The following FTO variants were observed in gnomAD, a reference collection of about 807,000 sequenced individuals.
FTO encodes alpha-ketoglutarate-dependent dioxygenase FTO.
Under a neutral mutation model 63.9 loss-of-function variants are expected in FTO, and 47 were observed. That is an observed-to-expected ratio of 0.74 (90% confidence interval 0.58 to 0.94). The LOEUF is 0.94. FTO is among the 40% of genes least tolerant of loss of function. The pLI is 0.00. For synonymous variants in FTO, 207 were observed against 224.4 expected (o/e 0.92, Z 0.69); for missense variants, 562 against 618.1 (o/e 0.91, Z 0.96).
chr16:53,826,414 A>T lies in FTO; in HGVS notation c.674A>T (p.Lys225Ile). 6.2e-7 allele frequency: 1 copy of T among 1,614,212 alleles called. No individual in the cohort carries two copies. The highest frequency in any genetic ancestry group is 2.2e-5 in the East Asian group (1 of 44,874). Residue 225 changes from lysine to isoleucine, a missense_variant, in exon 3 of 9, where the codon AAA becomes ATA. By Grantham distance (102) the Lys-to-Ile change is moderately radical (BLOSUM62 -3). Coordinates refer to ENST00000471389, the MANE Select transcript of FTO (RefSeq NM_001080432.3). ...GAGGAACCTTATTTTGGCATGGGGAAAATGGCAGTGAGCTGGCATCATGAT... is the reference window on the plus strand; with the variant it reads ...GAGGAACCTTATTTTGGCATGGGGATAATGGCAGTGAGCTGGCATCATGAT... Reference protein sequence around the residue: ...LKEEPYFGMGKMAVSWHHDEN... With the variant: ...LKEEPYFGMGIMAVSWHHDEN...
intron 1 of FTO, among the ~76,000 whole-genome samples, chr16:53,767,280 T>C (rs1001071418): frequency 7.9e-5 from 12 of 152,342 alleles, no homozygotes; most frequent in African/African-American, 2.6e-4. Flanking sequence ...CCTAATGTTT[T>C]TGTTCTTAGT....
At chr16:53,819,733 T>A (rs958537002) in intron 2 of FTO, among the ~76,000 whole-genome samples, 9 of 152,218 alleles carry the variant, frequency 5.9e-5, no homozygotes, top group Non-Finnish European at 1.0e-4. Flanking sequence ...ATAATTTACA[T>A]ACCATAAAAT....
chr16:53,944,948 G>T (rs1374252633), intron 8 of FTO, among the ~76,000 whole-genome samples: 1 of 152,154 alleles, frequency 6.6e-6, no homozygotes, highest in Non-Finnish European at 1.5e-5. Flanking sequence ...AATTGGTGCA[G>T]GGAAGAACAC....
intron 1 of FTO, among the ~76,000 whole-genome samples, chr16:53,705,500 A>G (rs2075583991): frequency 6.6e-6 from 1 of 152,254 alleles, no homozygotes; most frequent in Non-Finnish European, 1.5e-5. Flanking sequence ...TTGGCAGTGA[A>G]TAACAGTGTT....
intron 8 of FTO, among the ~76,000 whole-genome samples, chr16:53,995,859 G>A (rs1021220131): frequency 9.2e-5 from 14 of 152,196 alleles, no homozygotes; most frequent in African/African-American, 2.9e-4. Context: ...TCATTTTCCC[G>A]GGTTCCCTTG....
intron 8 of FTO, among the ~76,000 whole-genome samples, chr16:54,035,993 G>A (rs1393143532): frequency 2.0e-5 from 3 of 152,154 alleles, no homozygotes; most frequent in Admixed American, 2.0e-4. Context: ...GAGCCTGTAA[G>A]CTTTGATTTC....
chr16:53,768,055 C>T (rs1303243480), intron 1 of FTO, among the ~76,000 whole-genome samples: 1 of 152,160 alleles, frequency 6.6e-6, no homozygotes, highest in African/African-American at 2.4e-5. Context: ...TTGTTAACTG[C>T]AAACTCCTTT....
intron 8 of FTO, among the ~76,000 whole-genome samples, chr16:54,093,557 C>T (rs1455043212): frequency 1.3e-5 from 2 of 152,194 alleles, no homozygotes; most frequent in Non-Finnish European, 2.9e-5. Flanking sequence ...TCCTGTAATG[C>T]TCAGTGAGGA....
intron 8 of FTO, among the ~76,000 whole-genome samples, chr16:54,007,780 G>A (rs2084245194): frequency 6.6e-6 from 1 of 152,210 alleles, no homozygotes; most frequent in Non-Finnish European, 1.5e-5. Flanking sequence ...TGCCAAAGAA[G>A]CTTGAAATCT....
intron 6 of FTO, 73 bp downstream of exon 6, chr16:53,880,060 C>T (rs1455163978): frequency 1.2e-5 from 13 of 1,099,060 alleles, no homozygotes; most frequent in Non-Finnish European, 1.6e-5. Context: ...AGCGGCATGA[C>T]CTCGGCTCAC....
intron 7 of FTO, among the ~76,000 whole-genome samples, chr16:53,911,738 C>A (rs1328575217): frequency 6.6e-6 from 1 of 152,212 alleles, no homozygotes; most frequent in South Asian, 2.1e-4. Context: ...TAACCTAAAG[C>A]CTTAAACATT....
intron 8 of FTO, among the ~76,000 whole-genome samples, chr16:54,036,630 C>G (rs546458022): frequency 1.3e-5 from 2 of 152,188 alleles, no homozygotes; most frequent in African/African-American, 4.8e-5. Flanking sequence ...ACAAAGAGAG[C>G]CTTTGTGCTA....
intron 3 of FTO, among the ~76,000 whole-genome samples, chr16:53,837,278 A>C (rs1403107277): frequency 2.0e-5 from 3 of 152,150 alleles, no homozygotes; most frequent in Non-Finnish European, 2.9e-5. Flanking sequence ...TTTTATCTTA[A>C]ATTTTTTCCC....
At chr16:53,970,875 T>A (rs1373984006) in intron 8 of FTO, among the ~76,000 whole-genome samples, 1 of 152,190 alleles carries the variant, frequency 6.6e-6, no homozygotes, top group Non-Finnish European at 1.5e-5. Flanking sequence ...GTTGCTAGTT[T>A]GCACACACTT....
At chr16:53,810,956 G>C (rs1210805991) in intron 2 of FTO, among the ~76,000 whole-genome samples, 1 of 152,184 alleles carries the variant, frequency 6.6e-6, no homozygotes, top group African/African-American at 2.4e-5. Flanking sequence ...TGGGATCTTA[G>C]AAAAAGTTAG....
chr16:53,735,689 T>C (rs183198078), intron 1 of FTO, among the ~76,000 whole-genome samples: 58 of 152,336 alleles, frequency 3.8e-4, no homozygotes, highest in African/African-American at 1.4e-3. Context: ...AGAGTGTAAA[T>C]GGCATTGTCT....
intron 2 of FTO, among the ~76,000 whole-genome samples, chr16:53,810,795 A>G (rs2078499508): frequency 1.3e-5 from 2 of 152,214 alleles, no homozygotes; most frequent in South Asian, 4.1e-4. Flanking sequence ...TACATGGCTA[A>G]ATCCAACTTT....
At chr16:53,896,231 G>A (rs2081276283) in intron 7 of FTO, among the ~76,000 whole-genome samples, 1 of 151,694 alleles carries the variant, frequency 6.6e-6, no homozygotes, top group Non-Finnish European at 1.5e-5. Flanking sequence ...AAGAAACCCT[G>A]GTGCAAGATT....
chr16:53,999,935 C>CAT (rs1158413741), intron 8 of FTO: 1 of 152,188 alleles, frequency 6.6e-6, no homozygotes, highest in Non-Finnish European at 1.5e-5. Flanking sequence ...AGTCTATATG[C>CAT]AGACAGTGAG....
Sources: gnomAD v4.1 joint callset for allele counts (sites outside exome capture counted in the v4.1 genomes callset) on GRCh38, gnomAD v4.1.1 for gene constraint, MANE v1.5 for transcripts, NCBI Gene and HGNC (gene_info 2026-07-23, HGNC 2026-07-21) for gene names.